ADGRV1: variants seen among roughly 807,000 people sequenced by gnomAD.
The protein encoded by ADGRV1 is adhesion G protein-coupled receptor V1.
ADGRV1 carries 359 observed loss-of-function variants against 596.2 expected under a neutral mutation model. The observed-to-expected ratio is 0.60, with a 90% CI of 0.55 to 0.66. The LOEUF (loss-of-function observed/expected upper bound fraction) is 0.66, where lower values mean the gene tolerates loss of function less well. Ranked by LOEUF, ADGRV1 falls within the 30% of genes least tolerant of loss-of-function variation. The pLI is 0.00. For synonymous variants in ADGRV1, 2,681 were observed against 2,679.2 expected, an observed-to-expected ratio of 1.00 and a Z score of -0.02; for missense variants, 7,274 against 7,575.6, an observed-to-expected ratio of 0.96 and a Z score of 1.48.
At chr5:90,727,396 C>T (rs974824748) in intron 48 of ADGRV1, among the ~76,000 whole-genome samples, 1 of 152,150 alleles carries the variant, frequency 6.6e-6, no homozygotes, top group Admixed American at 6.6e-5. Flanking sequence ...TTTGTCTCTA[C>T]TCCTCCCTAC....
chr5:90,781,597 C>T lies in ADGRV1; in HGVS notation c.13231+19C>T. On this transcript the variant is annotated intron_variant, in intron 65 of 89. Transcript: ENST00000405460. ...TTCGAAGGTAGGTTCAGTCAGCTAG[C>T]TTGTAAGTAAGTTTACTACCACTTT... 2 of 1,581,860 alleles carry T rather than the reference C, an allele frequency of 1.3e-6. No homozygotes were observed. The highest frequency in any genetic ancestry group is 1.7e-6 in the Non-Finnish European group (2 of 1,163,502).
chr5:90,868,643 T>C (rs1768364437), intron 83 of ADGRV1, among the ~76,000 whole-genome samples: 1 of 150,182 alleles, frequency 6.7e-6, no homozygotes, highest in South Asian at 2.1e-4. Flanking sequence ...ATTGAGTATG[T>C]AAGCCTTTTT....
intron 87 of ADGRV1, among the ~76,000 whole-genome samples, chr5:91,117,398 C>T (rs1259015253): frequency 6.6e-6 from 1 of 151,922 alleles, no homozygotes; most frequent in African/African-American, 2.4e-5. Context: ...AAAATCAGAA[C>T]AAGAACAATA....
intron 21 of ADGRV1, among the ~76,000 whole-genome samples, chr5:90,664,825 G>T (rs201948830): frequency 7.2e-6 from 1 of 138,748 alleles, no homozygotes; most frequent in Non-Finnish European, 1.5e-5. Context: ...TAGCATGAAG[G>T]GTTGTTGAAT....
At chr5:91,032,937 G>A (rs567362161) in intron 85 of ADGRV1, among the ~76,000 whole-genome samples, 1 of 152,236 alleles carries the variant, frequency 6.6e-6, no homozygotes. Context: ...ATTTACTTCA[G>A]ACTTCAAGCG....
chr5:90,808,662 C>T (rs1762134015), intron 73 of ADGRV1, among the ~76,000 whole-genome samples: 1 of 152,188 alleles, frequency 6.6e-6, no homozygotes, highest in Non-Finnish European at 1.5e-5. Flanking sequence ...TGGGAGGCCA[C>T]AGCAGGCAGA....
At chr5:91,114,461 A>G (rs1410187877) in intron 87 of ADGRV1, among the ~76,000 whole-genome samples, 1 of 151,790 alleles carries the variant, frequency 6.6e-6, no homozygotes, top group East Asian at 2.0e-4. Context: ...CAGGAAGCGG[A>G]GGTTGCAGTG....
intron 85 of ADGRV1, among the ~76,000 whole-genome samples, chr5:91,041,262 A>G (rs972044335): frequency 6.6e-6 from 1 of 152,206 alleles, no homozygotes; most frequent in Admixed American, 6.5e-5. Context: ...GATAGACTGG[A>G]TAAAGAAATG....
Position 91,035,846 on chromosome 5 carries a change from A to G in ADGRV1, c.18153-36601A>G, listed in dbSNP as rs184279525. 8.9e-3 allele frequency among the ~76,000 whole-genome samples: 352 copies of G among 39,474 alleles called. 7 individuals carry two copies. The highest frequency in any genetic ancestry group is 0.014 in the Middle Eastern group (1 of 74). 25.9% of individuals were successfully genotyped at this position (39,474 alleles called of 152,430 possible). A position where few individuals can be genotyped will look rare whatever the true frequency, so the allele number is the denominator to read the frequency against. ...TGTTGTAAGTAATAAATGAGTGTGTATATATATATATATATTATATATATA... is the reference window on the plus strand; with the variant it reads ...TGTTGTAAGTAATAAATGAGTGTGTGTATATATATATATATTATATATATA... On this transcript the variant is annotated intron_variant, in intron 85 of 89. Coordinates refer to ENST00000405460, the MANE Select transcript of ADGRV1 (RefSeq NM_032119.4).
intron 1 of ADGRV1, among the ~76,000 whole-genome samples, chr5:90,595,019 G>A (rs1760088247): frequency 6.9e-6 from 1 of 145,124 alleles, no homozygotes. Context: ...CAGACGGGGT[G>A]GTGGCCGGGC....
chr5:90,771,971 G>A (rs149904566), intron 59 of ADGRV1, among the ~76,000 whole-genome samples: 7 of 151,948 alleles, frequency 4.6e-5, no homozygotes, highest in South Asian at 2.1e-4. Flanking sequence ...ACTATCTTTC[G>A]TAACCATTGG....
chr5:90,711,148 T>A, intron 40 of ADGRV1, 36 bp from the exon 41 acceptor site: 1 of 1,586,862 alleles, frequency 6.3e-7, no homozygotes, highest in Non-Finnish European at 8.6e-7. Flanking sequence ...AAAATTAATT[T>A]TTTTTGTTTG....
At chr5:91,090,271 C>T (rs1171949465) in intron 86 of ADGRV1, among the ~76,000 whole-genome samples, 1 of 152,156 alleles carries the variant, frequency 6.6e-6, no homozygotes, top group Non-Finnish European at 1.5e-5. Context: ...AATAGAATTA[C>T]TCTAATAATA....
intron 1 of ADGRV1, among the ~76,000 whole-genome samples, chr5:90,574,549 T>A (rs1756960009): frequency 6.6e-6 from 1 of 152,160 alleles, no homozygotes; most frequent in Non-Finnish European, 1.5e-5. Flanking sequence ...AGCCTTTTTG[T>A]GGAGTCTTTA....
intron 83 of ADGRV1, among the ~76,000 whole-genome samples, chr5:90,889,677 T>A (rs1205211783): frequency 2.0e-5 from 3 of 152,084 alleles, no homozygotes; most frequent in African/African-American, 7.2e-5. Context: ...TTCCATGAAA[T>A]TTTTTTGTGC....
intron 54 of ADGRV1, 143 bp downstream of exon 54, chr5:90,753,972 G>C: frequency 1.3e-6 from 1 of 767,252 alleles, no homozygotes; most frequent in Non-Finnish European, 2.0e-6. Context: ...TTTGTTTATT[G>C]TTGTTAAATC....
chr5:91,141,530 A>G (rs1161463085), intron 87 of ADGRV1, among the ~76,000 whole-genome samples: 2 of 152,228 alleles, frequency 1.3e-5, no homozygotes, highest in Non-Finnish European at 2.9e-5. Context: ...ACCATCAACA[A>G]AAGCAATATT....
chr5:90,665,870 T>C (rs1210765777), intron 21 of ADGRV1, among the ~76,000 whole-genome samples: 2 of 150,570 alleles, frequency 1.3e-5, no homozygotes, highest in Non-Finnish European at 3.0e-5. Context: ...TTTCGTTATG[T>C]ATCCAGTAGT....
intron 83 of ADGRV1, among the ~76,000 whole-genome samples, chr5:90,950,620 G>T (rs1776978715): frequency 6.6e-6 from 1 of 151,974 alleles, no homozygotes; most frequent in Non-Finnish European, 1.5e-5. Flanking sequence ...CTGCGCCCAG[G>T]CTTTAAGAAC....
Sources: gnomAD v4.1 joint callset for allele counts (sites outside exome capture counted in the v4.1 genomes callset) on GRCh38, gnomAD v4.1.1 for gene constraint, MANE v1.5 for transcripts, NCBI Gene and HGNC (gene_info 2026-07-23, HGNC 2026-07-21) for gene names.